Variants in PHACTR1 observed in about 807,000 individuals in gnomAD.
The protein encoded by PHACTR1 is phosphatase and actin regulator 1, also known as RPEL repeat containing 1.
A neutral mutation model predicts 69.2 loss-of-function variants in PHACTR1; 16 were observed. The observed-to-expected ratio is 0.23, with a 90% CI of 0.16 to 0.35. PHACTR1 has a LOEUF of 0.35. Ranked by LOEUF, PHACTR1 falls within the 10% of genes least tolerant of loss-of-function variation. The pLI is 1.00. For missense variants in PHACTR1, 510 were observed against 734.7 expected, an observed-to-expected ratio of 0.69 and a Z score of 3.54; for synonymous variants, 312 against 284.5, an observed-to-expected ratio of 1.10 and a Z score of -0.97.
intron 10 of PHACTR1, among the ~76,000 whole-genome samples, chr6:13,248,783 G>C (rs1370962780): frequency 6.6e-6 from 1 of 152,156 alleles, no homozygotes; most frequent in Non-Finnish European, 1.5e-5. Flanking sequence ...TCTGACTGCA[G>C]AGCTACCAAA....
chr6:13,193,357 G>GTATATGTATATA (rs1554152202), intron 7 of PHACTR1, among the ~76,000 whole-genome samples: 6 of 68,156 alleles, frequency 8.8e-5, no homozygotes, highest in Non-Finnish European at 1.7e-4. Flanking sequence ...AGCTCTCTGT[G>GTATATGTATATA]TATATATATA....
chr6:13,206,302 A>G (rs1443719996), intron 8 of PHACTR1, among the ~76,000 whole-genome samples, 166 bp downstream of exon 8: 2 of 152,152 alleles, frequency 1.3e-5, no homozygotes, highest in African/African-American at 4.8e-5. Flanking sequence ...AAGCATGGAA[A>G]AAAAAAATGT....
At chr6:12,909,877 C>T (rs1463108326) in intron 4 of PHACTR1, among the ~76,000 whole-genome samples, 1 of 152,210 alleles carries the variant, frequency 6.6e-6, no homozygotes, top group Non-Finnish European at 1.5e-5. Flanking sequence ...CCAGGGCTTA[C>T]GATTCCCACT....
intron 10 of PHACTR1, among the ~76,000 whole-genome samples, chr6:13,243,024 C>T (rs982983077): frequency 2.6e-5 from 4 of 152,134 alleles, no homozygotes; most frequent in South Asian, 2.1e-4. Flanking sequence ...ATGAAGAAGG[C>T]GCAGATCTCT....
chr6:12,924,513 G>A (rs1016721548), intron 4 of PHACTR1, among the ~76,000 whole-genome samples: 4 of 152,096 alleles, frequency 2.6e-5, no homozygotes, highest in African/African-American at 7.2e-5. Context: ...GGTGGCTCAC[G>A]CCTGTAATCC....
chr6:13,099,145 C>G (rs1437305212), intron 5 of PHACTR1, among the ~76,000 whole-genome samples: 1 of 152,228 alleles, frequency 6.6e-6, no homozygotes, highest in African/African-American at 2.4e-5. Context: ...TGGGTAAAGT[C>G]TTAGTTATCC....
intron 4 of PHACTR1, among the ~76,000 whole-genome samples, chr6:12,883,505 G>A (rs943948665): frequency 6.6e-5 from 10 of 151,518 alleles, no homozygotes; most frequent in Non-Finnish European, 2.9e-5. Flanking sequence ...GTGAGCCACC[G>A]TGCCCGTCCA....
chr6:12,829,951 C>T (rs904129115), intron 4 of PHACTR1, among the ~76,000 whole-genome samples: 14 of 105,132 alleles, frequency 1.3e-4, no homozygotes, highest in African/African-American at 5.6e-4. Context: ...GAGCAAGACT[C>T]CGTCAAGAAA....
chr6:12,905,636 A>G (rs769694657), intron 4 of PHACTR1, among the ~76,000 whole-genome samples: 6 of 152,204 alleles, frequency 3.9e-5, no homozygotes, highest in Non-Finnish European at 7.3e-5. Context: ...ATGACAGCAC[A>G]TCCAGAGAAG....
At chr6:13,097,684 G>C (rs1814497080) in intron 5 of PHACTR1, among the ~76,000 whole-genome samples, 1 of 152,136 alleles carries the variant, frequency 6.6e-6, no homozygotes, top group East Asian at 1.9e-4. Flanking sequence ...GGCAGCCTCA[G>C]TGGGGCCTCC....
chr6:13,025,036 G>T (rs1332935370), intron 4 of PHACTR1, among the ~76,000 whole-genome samples: 1 of 152,102 alleles, frequency 6.6e-6, no homozygotes, highest in Non-Finnish European at 1.5e-5. Context: ...CTGGTAGACT[G>T]CTTGAGCCCA....
intron 4 of PHACTR1, among the ~76,000 whole-genome samples, chr6:13,017,547 A>G (rs1460260701): frequency 1.3e-5 from 2 of 152,176 alleles, no homozygotes; most frequent in East Asian, 1.9e-4. Context: ...GCCATAAGAA[A>G]CACAGCTAAG....
chr6:12,847,854 G>A (rs1779439850), intron 4 of PHACTR1, among the ~76,000 whole-genome samples: 1 of 152,058 alleles, frequency 6.6e-6, no homozygotes, highest in African/African-American at 2.4e-5. Flanking sequence ...AAGGCTTAAA[G>A]GAACAAAACT....
At chr6:13,048,078 C>A (rs984280054) in intron 4 of PHACTR1, among the ~76,000 whole-genome samples, 5 of 152,312 alleles carry the variant, frequency 3.3e-5, no homozygotes, top group African/African-American at 1.2e-4. Flanking sequence ...ATCATTTCCA[C>A]CCTATGGGTA....
At chr6:12,938,424 G>A (rs886967476) in intron 4 of PHACTR1, among the ~76,000 whole-genome samples, 12 of 151,926 alleles carry the variant, frequency 7.9e-5, no homozygotes, top group African/African-American at 1.9e-4. Context: ...GCACAAACCC[G>A]TGCACACCAT....
At chr6:13,084,511 C>T (rs931715733) in intron 5 of PHACTR1, among the ~76,000 whole-genome samples, 1 of 149,666 alleles carries the variant, frequency 6.7e-6, no homozygotes, top group East Asian at 2.0e-4. Context: ...TACCCTAAAA[C>T]TTAAAGTATA....
chr6:12,793,319 A>T (rs911368418), intron 4 of PHACTR1, among the ~76,000 whole-genome samples: 4 of 152,092 alleles, frequency 2.6e-5, no homozygotes, highest in African/African-American at 9.7e-5. Context: ...TTTTTTCTTT[A>T]TTCAGATTTG....
intron 5 of PHACTR1, among the ~76,000 whole-genome samples, chr6:13,106,698 G>C (rs1189987468): frequency 6.6e-6 from 1 of 151,974 alleles, no homozygotes; most frequent in Non-Finnish European, 1.5e-5. Flanking sequence ...GGCTGCCTTT[G>C]TTAAGTTAAG....
chr6:13,025,677 G>GTGTA (rs199634827), intron 4 of PHACTR1, among the ~76,000 whole-genome samples: 2,841 of 150,144 alleles, frequency 0.019, 105 homozygotes, highest in African/African-American at 0.065. Flanking sequence ...TTATTTGTGT[G>GTGTA]TGTGTGTGTG....
Sources: allele counts gnomAD v4.1 joint callset (sites outside exome capture counted in the v4.1 genomes callset), GRCh38; gene constraint gnomAD v4.1.1; transcripts MANE v1.5; gene names NCBI Gene and HGNC (gene_info 2026-07-23, HGNC 2026-07-21).